The following ZNF682 variants were observed in gnomAD, a reference collection of about 807,000 sequenced individuals.
The protein encoded by ZNF682 is zinc finger protein 682.
A neutral mutation model predicts 36.5 loss-of-function variants in ZNF682; 29 were observed. The observed-to-expected ratio is 0.80, with a 90% CI of 0.59 to 1.08. ZNF682 has a LOEUF of 1.08. ZNF682 is among the 50% of genes least tolerant of loss of function. ZNF682 has a pLI of 0.00. For missense variants in ZNF682, 561 were observed against 579.7 expected, an observed-to-expected ratio of 0.97 and a Z score of 0.33; for synonymous variants, 180 against 197.0, an observed-to-expected ratio of 0.91 and a Z score of 0.72.
chr19:20,017,749 A>G (rs543677877), intron 3 of ZNF682, among the ~76,000 whole-genome samples: 1 of 152,336 alleles, frequency 6.6e-6, no homozygotes, highest in South Asian at 2.1e-4. Flanking sequence ...AAGCAGCAGA[A>G]TACATGATAT....
At chr19:20,031,329 A>G (rs2122383716) in intron 1 of ZNF682, among the ~76,000 whole-genome samples, 1 of 152,338 alleles carries the variant, frequency 6.6e-6, no homozygotes, top group East Asian at 1.9e-4. Flanking sequence ...TGATTCTGCC[A>G]TCAGATTCTA....
At chr19:20,012,989 T>C (rs894241698) in intron 3 of ZNF682, among the ~76,000 whole-genome samples, 2 of 152,032 alleles carry the variant, frequency 1.3e-5, no homozygotes, top group Admixed American at 6.6e-5. Flanking sequence ...TTAAAATTCA[T>C]GGTTCATGGA....
At chr19:20,002,944 A>C (rs1451090384), downstream of ZNF682, among the ~76,000 whole-genome samples, 1 of 152,108 alleles carries the variant, frequency 6.6e-6, no homozygotes, top group East Asian at 1.9e-4. Context: ...TAATCCCAGC[A>C]CTTTGGGAGG....
At position 20,005,861 on chromosome 19, in the gene ZNF682, A is replaced by G; in HGVS notation, c.*144T>C. ...TCTTCTGTGCAATAAGCTGTCAGCAATGGTTGAAGACTTTCCCCACATTCT... is the reference window on the plus strand; with the variant it reads ...TCTTCTGTGCAATAAGCTGTCAGCAGTGGTTGAAGACTTTCCCCACATTCT... On this transcript the variant is annotated 3_prime_UTR_variant, in exon 4 of 4. Transcript: ENST00000397165. 1 of 819,398 alleles carries G rather than the reference A, an allele frequency of 1.2e-6. No individual in the cohort carries two copies. The highest frequency in any genetic ancestry group is 1.9e-6 in the Non-Finnish European group (1 of 538,054). The allele number at this position is 819,398 out of a possible 1,614,324, so 50.8% of individuals were successfully genotyped here.
intron 1 of ZNF682, among the ~76,000 whole-genome samples, chr19:20,035,013 G>A (rs1389237507): frequency 2.0e-5 from 3 of 149,876 alleles, no homozygotes; most frequent in South Asian, 4.3e-4. Context: ...TGAGAATATC[G>A]CTTGAACCTG....
At chr19:20,036,203 C>T (rs1209142964) in intron 1 of ZNF682, among the ~76,000 whole-genome samples, 1 of 152,176 alleles carries the variant, frequency 6.6e-6, no homozygotes, top group East Asian at 1.9e-4. Flanking sequence ...TAGTAATTAC[C>T]TTGGAGCAGC....
At chr19:20,036,557 G>T (rs1954163182) in intron 1 of ZNF682, among the ~76,000 whole-genome samples, 1 of 133,124 alleles carries the variant, frequency 7.5e-6, no homozygotes, top group Non-Finnish European at 1.5e-5. Flanking sequence ...AGTGAGCCGA[G>T]ATTGTGCCAC....
At position 20,039,476 on chromosome 19, in the gene ZNF682, C is replaced by A; in HGVS notation, c.-131G>T. 1 of 1,277,984 alleles carries A rather than the reference C, an allele frequency of 7.8e-7. No homozygotes were observed. The allele number at this position is 1,277,984 out of a possible 1,614,324, so 79.2% of individuals were successfully genotyped here. A position where few individuals can be genotyped will look rare whatever the true frequency, so the allele number is the denominator to read the frequency against. ...AGGATACTAAGCAATGAAGATGGAC[C>A]CTGAGCTCTGGCTGGAGCGAGACAA... is the stretch of plus-strand genomic sequence containing the variant. On this transcript the variant is annotated 5_prime_UTR_variant, in exon 1 of 4. Coordinates refer to ENST00000397165, the MANE Select transcript of ZNF682 (RefSeq NM_033196.3).
downstream of ZNF682, among the ~76,000 whole-genome samples, chr19:20,001,631 G>A (rs148668691): frequency 1.8e-4 from 28 of 152,254 alleles, 1 homozygote; most frequent in East Asian, 3.9e-3. Context: ...CAGAATGAAG[G>A]GCCTTAAAAA....
chr19:20,003,190 CAAAAAAAAAAAAAAAA>C (rs755953644), downstream of ZNF682, among the ~76,000 whole-genome samples: 1 of 33,074 alleles, frequency 3.0e-5, no homozygotes, highest in Admixed American at 5.5e-4. Flanking sequence ...GACTCCGTCT[CAAAAAAAAAAAAAAAA>C]AAAAAAAAAA....
At chr19:20,029,544 C>A (rs748174986) in intron 1 of ZNF682, among the ~76,000 whole-genome samples, 1 of 147,050 alleles carries the variant, frequency 6.8e-6, no homozygotes, top group Non-Finnish European at 1.5e-5. Flanking sequence ...GAGGTTGCAG[C>A]GAGCAGAAAT....
At chr19:20,037,723 C>T (rs1260891243) in intron 1 of ZNF682, among the ~76,000 whole-genome samples, 2 of 152,124 alleles carry the variant, frequency 1.3e-5, no homozygotes, top group Non-Finnish European at 2.9e-5. Flanking sequence ...GTTGGGTGTT[C>T]CTTGTCCTTG....
At chr19:20,022,888 T>C in intron 3 of ZNF682, 116 bp downstream of exon 3, 1 of 832,738 alleles carries the variant, frequency 1.2e-6, no homozygotes. Context: ...AACAATCACG[T>C]TCCTCAAAAA....
intron 2 of ZNF682, 109 bp downstream of exon 2, chr19:20,024,141 G>A: frequency 2.3e-6 from 3 of 1,327,402 alleles, no homozygotes; most frequent in Non-Finnish European, 3.2e-6. Flanking sequence ...TGAAAGCAGA[G>A]ATCTAAAACT....
chr19:20,006,516 G>GT lies in ZNF682; in HGVS notation c.985dup (p.Thr329AsnfsTer4). 6.2e-7 allele frequency: 1 copy of GT among 1,614,076 alleles called. No homozygotes were observed. Among genetic ancestry groups the GT allele is most frequent in the Non-Finnish European group, 8.5e-7 (1 of 1,179,996 alleles). ...TCCCGTATGGGTTCTCTCATGTATA[G>GT]TAAGTAGTGAGCAGTGGTTAAAGGC... is the stretch of plus-strand genomic sequence containing the variant. On this transcript the variant is annotated frameshift_variant, in exon 4 of 4. Transcript: ENST00000397165. LOFTEE classifies it high-confidence loss of function.
At chr19:20,036,000 T>G (rs1253306246) in intron 1 of ZNF682, among the ~76,000 whole-genome samples, 7 of 152,164 alleles carry the variant, frequency 4.6e-5, no homozygotes, top group Non-Finnish European at 1.0e-4. Flanking sequence ...CCTCCCAAAG[T>G]GCTGGGATTA....
intron 1 of ZNF682, among the ~76,000 whole-genome samples, chr19:20,037,628 C>T (rs1211620726): frequency 6.6e-6 from 1 of 152,164 alleles, no homozygotes; most frequent in Non-Finnish European, 1.5e-5. Context: ...TGGACAATAA[C>T]CATTCTACCA....
At chr19:20,013,052 C>T (rs1187846409) in intron 3 of ZNF682, among the ~76,000 whole-genome samples, 1 of 151,976 alleles carries the variant, frequency 6.6e-6, no homozygotes, top group Non-Finnish European at 1.5e-5. Context: ...GATTCAACTA[C>T]ATTCTTTTTA....
intron 3 of ZNF682, among the ~76,000 whole-genome samples, chr19:20,012,805 A>G (rs1223345597): frequency 1.3e-5 from 2 of 151,698 alleles, no homozygotes; most frequent in Non-Finnish European, 1.5e-5. Context: ...AATCAACAAG[A>G]AAAACAGAAA....
Sources: allele counts gnomAD v4.1 joint callset (sites outside exome capture counted in the v4.1 genomes callset), GRCh38; gene constraint gnomAD v4.1.1; transcripts MANE v1.5; gene names NCBI Gene and HGNC (gene_info 2026-07-23, HGNC 2026-07-21).